Variants in PNKD observed in about 807,000 individuals in gnomAD.
PNKD encodes the protein probable thioesterase PNKD.
A neutral mutation model predicts 45.3 loss-of-function variants in PNKD; 36 were observed. The observed-to-expected ratio is 0.80, with a 90% CI of 0.61 to 1.05. The LOEUF (loss-of-function observed/expected upper bound fraction) is 1.05, where lower values mean the gene tolerates loss of function less well. Ranked by LOEUF, PNKD falls within the 50% of genes least tolerant of loss-of-function variation. The pLI is 0.00. For missense variants in PNKD, 511 were observed against 506.6 expected, an observed-to-expected ratio of 1.01 and a Z score of -0.08; for synonymous variants, 197 against 210.1, an observed-to-expected ratio of 0.94 and a Z score of 0.54.
chr2:218,315,872 A>G (rs1693798079), intron 2 of PNKD, among the ~76,000 whole-genome samples: 1 of 152,240 alleles, frequency 6.6e-6, no homozygotes, highest in Admixed American at 6.5e-5. Context: ...ATGCTGCATA[A>G]GAAGCCAGTT....
chr2:218,329,638 C>G (rs1352796679), intron 2 of PNKD, among the ~76,000 whole-genome samples: 1 of 152,230 alleles, frequency 6.6e-6, no homozygotes, highest in Non-Finnish European at 1.5e-5. Context: ...CGATGGCAGA[C>G]CCTGACCTGG....
intron 2 of PNKD, chr2:218,280,511 G>A (rs977820457): frequency 3.7e-6 from 1 of 271,476 alleles, no homozygotes; most frequent in Non-Finnish European, 7.3e-6. Flanking sequence ...GAGGGCGGCA[G>A]AGCGCAGTTT....
At position 218,345,324 on chromosome 2, in the gene PNKD, C is replaced by T. The variant is rs1324657641; in HGVS notation, c.*343C>T. 7.6e-6 allele frequency: 2 copies of T among 263,442 alleles called. No homozygotes were observed. Among genetic ancestry groups the T allele is most frequent in the African/African-American group, 2.2e-5 (1 of 45,568 alleles). The allele number at this position is 263,442 out of a possible 1,614,324, so 16.3% of individuals were successfully genotyped here. On this transcript the variant is annotated 3_prime_UTR_variant, in exon 10 of 10. Transcript: ENST00000273077. ...GCAAGGACATGGGGGCTGCTGTTAGCTTCTCCGTCAGGAGGCCTCATCTCA... is the reference window on the plus strand; with the variant it reads ...GCAAGGACATGGGGGCTGCTGTTAGTTTCTCCGTCAGGAGGCCTCATCTCA...
At chr2:218,330,346 T>G (rs1256280631) in intron 2 of PNKD, among the ~76,000 whole-genome samples, 1 of 152,126 alleles carries the variant, frequency 6.6e-6, no homozygotes, top group Non-Finnish European at 1.5e-5. Flanking sequence ...CTTCATTGTG[T>G]GTTTTCCACT....
chr2:218,307,252 G>T (rs1398823902), intron 2 of PNKD, among the ~76,000 whole-genome samples: 2 of 151,892 alleles, frequency 1.3e-5, no homozygotes, highest in Non-Finnish European at 2.9e-5. Flanking sequence ...ATGGGGTTAG[G>T]GGGGTTCGGG....
chr2:218,289,382 C>T (rs1302931043), intron 2 of PNKD, among the ~76,000 whole-genome samples: 1 of 152,138 alleles, frequency 6.6e-6, no homozygotes, highest in Non-Finnish European at 1.5e-5. Context: ...TGGCTCATGC[C>T]TGTAATCCCA....
At chr2:218,335,817 C>T (rs540675456) in intron 2 of PNKD, among the ~76,000 whole-genome samples, 1 of 152,282 alleles carries the variant, frequency 6.6e-6, no homozygotes, top group African/African-American at 2.4e-5. Flanking sequence ...CCATGGAAAC[C>T]TGCTTGGTTT....
At chr2:218,277,466 A>G (rs1373201434) in intron 2 of PNKD, 4 of 1,613,832 alleles carry the variant, frequency 2.5e-6, no homozygotes, top group Non-Finnish European at 3.4e-6. Flanking sequence ...GGGGAGAAGC[A>G]GGAGTTACAG....
In PNKD at chr2:218,345,645, G is replaced by C. The variant is rs1276937738; in HGVS notation, c.*664G>C. The stretch of plus-strand genomic sequence containing the variant: ...TACAGCCTGGAAGAAGGAGGGTCCT[G>C]ATTGCCAAGGAAACCTCCTCATTGG... On this transcript the variant is annotated 3_prime_UTR_variant, in exon 10 of 10. Transcript: ENST00000273077. The C allele has an allele frequency of 6.6e-6, 1 of 152,134 alleles. No individual in the cohort carries two copies. The highest frequency in any genetic ancestry group is 1.9e-4 in the East Asian group (1 of 5,218). The allele number at this position is 152,134 out of a possible 1,614,324, so 9.4% of individuals were successfully genotyped here. A position where few individuals can be genotyped will look rare whatever the true frequency, so the allele number is the denominator to read the frequency against.
intron 2 of PNKD, among the ~76,000 whole-genome samples, chr2:218,314,179 T>A (rs2106263968): frequency 6.8e-6 from 1 of 147,446 alleles, no homozygotes; most frequent in South Asian, 2.2e-4. Flanking sequence ...TGCCTCTGCC[T>A]CCCAAATTGC....
At chr2:218,314,826 A>G (rs1693728418) in intron 2 of PNKD, among the ~76,000 whole-genome samples, 2 of 151,560 alleles carry the variant, frequency 1.3e-5, no homozygotes, top group Non-Finnish European at 2.9e-5. Context: ...AGTAGCTAGG[A>G]TTACAGACGC....
chr2:218,282,064 A>G (rs1692071110), intron 2 of PNKD: 4 of 1,597,164 alleles, frequency 2.5e-6, no homozygotes, highest in Non-Finnish European at 3.4e-6. Flanking sequence ...ATGGCTGCCC[A>G]TAGCCCCCAG....
At chr2:218,277,049 G>A (rs539504756) in intron 2 of PNKD, 2 of 1,614,140 alleles carry the variant, frequency 1.2e-6, no homozygotes, top group African/African-American at 1.3e-5. Context: ...CAGTCACCAG[G>A]AGCACAATTC....
At chr2:218,277,133 T>C (rs1313392598) in intron 2 of PNKD, 4 of 1,587,838 alleles carry the variant, frequency 2.5e-6, no homozygotes, top group African/African-American at 2.7e-5. Flanking sequence ...ACCTGTCAGA[T>C]GGCTGTGACA....
chr2:218,297,684 CAAAAAAAAAAAA>C, intron 2 of PNKD, among the ~76,000 whole-genome samples: 1 of 41,998 alleles, frequency 2.4e-5, no homozygotes, highest in Middle Eastern at 0.023. Context: ...GACTCCGTCT[CAAAAAAAAAAAA>C]AAAAAAAAAA....
intron 2 of PNKD, chr2:218,277,753 G>A (rs1418875641): frequency 1.3e-6 from 2 of 1,582,910 alleles, no homozygotes; most frequent in African/African-American, 1.3e-5. Context: ...GGTGGCCTCT[G>A]CCAGAGCTGG....
intron 2 of PNKD, chr2:218,275,428 G>T: frequency 6.3e-7 from 1 of 1,586,950 alleles, no homozygotes; most frequent in Non-Finnish European, 8.6e-7. Flanking sequence ...CAGCCCTCTA[G>T]CTTGGAAGGG....
chr2:218,323,317 G>T, intron 2 of PNKD: 1 of 1,565,820 alleles, frequency 6.4e-7, no homozygotes. Flanking sequence ...GCCGGCTGCT[G>T]GCTCCTCCTC....
chr2:218,294,929 T>TA (rs1693106185), intron 2 of PNKD, among the ~76,000 whole-genome samples: 3 of 152,176 alleles, frequency 2.0e-5, no homozygotes, highest in Admixed American at 2.0e-4. Context: ...ATTCCCACCA[T>TA]AGCAGGCCCC....
Sources: gnomAD v4.1 joint callset for allele counts (sites outside exome capture counted in the v4.1 genomes callset) on GRCh38, gnomAD v4.1.1 for gene constraint, MANE v1.5 for transcripts, NCBI Gene and HGNC (gene_info 2026-07-23, HGNC 2026-07-21) for gene names.